Variants in CPT1A observed in about 807,000 individuals in gnomAD.
The protein encoded by CPT1A is carnitine palmitoyltransferase 1A.
Under a neutral mutation model 100.8 loss-of-function variants are expected in CPT1A, and 64 were observed. The ratio of observed to expected loss-of-function variants is 0.63; its 90% CI spans 0.52 to 0.78. CPT1A has a LOEUF of 0.78. Among genes scored for constraint, CPT1A ranks in the 30% least tolerant of loss-of-function variants. CPT1A has a pLI of 0.00. For synonymous variants in CPT1A, 363 were observed against 396.0 expected (o/e 0.92, Z 0.99); for missense variants, 802 against 1,034.1 (o/e 0.78, Z 3.08).
intron 5 of CPT1A, among the ~76,000 whole-genome samples, chr11:68,803,247 A>G (rs1246351655): frequency 6.6e-6 from 1 of 152,250 alleles, no homozygotes. Context: ...GCTGAGTGAA[A>G]GAAGCCAGTC....
chr11:68,790,383 C>G (rs984506091), intron 9 of CPT1A, among the ~76,000 whole-genome samples: 16 of 151,972 alleles, frequency 1.1e-4, no homozygotes, highest in African/African-American at 3.6e-4. Context: ...GAAATAGGGT[C>G]TTTGCTGATA....
chr11:68,821,581 G>A (rs920000465), intron 1 of CPT1A, among the ~76,000 whole-genome samples: 2 of 152,156 alleles, frequency 1.3e-5, no homozygotes, highest in African/African-American at 2.4e-5. Flanking sequence ...GTGAGCCACC[G>A]CGCCCAACCC....
At chr11:68,823,594 G>A (rs1856643064) in intron 1 of CPT1A, among the ~76,000 whole-genome samples, 1 of 151,816 alleles carries the variant, frequency 6.6e-6, no homozygotes, top group Non-Finnish European at 1.5e-5. Flanking sequence ...TTCGAGAACA[G>A]CCTGACCGAC....
At chr11:68,808,207 A>G (rs964996726) in intron 3 of CPT1A, among the ~76,000 whole-genome samples, 7 of 152,210 alleles carry the variant, frequency 4.6e-5, no homozygotes, top group African/African-American at 1.7e-4. Context: ...ATTTATATCA[A>G]AAGAGCTTGT....
At chr11:68,819,879 AG>A (rs1566381418) in intron 1 of CPT1A, among the ~76,000 whole-genome samples, 1 of 152,222 alleles carries the variant, frequency 6.6e-6, no homozygotes, top group Non-Finnish European at 1.5e-5. Context: ...GAATCCAACA[AG>A]GGCCAGAGGA....
chr11:68,806,229 A>G (rs1856042052), intron 4 of CPT1A, among the ~76,000 whole-genome samples: 1 of 151,996 alleles, frequency 6.6e-6, no homozygotes, highest in Admixed American at 6.6e-5. Flanking sequence ...TCTTTTTGCC[A>G]TGTTCCCCAG....
intron 8 of CPT1A, among the ~76,000 whole-genome samples, chr11:68,793,758 A>G (rs566851525): frequency 1.2e-3 from 176 of 152,044 alleles, no homozygotes; most frequent in African/African-American, 1.7e-3. Context: ...AAAAAAAAAA[A>G]AAAAGAAAAC....
chr11:68,786,454 C>G (rs1390150175), intron 9 of CPT1A, among the ~76,000 whole-genome samples: 3 of 152,216 alleles, frequency 2.0e-5, no homozygotes, highest in Non-Finnish European at 4.4e-5. Flanking sequence ...TGAGAAAGCC[C>G]TTCCACCCCC....
chr11:68,817,089 TGTGTGTGTGTG>T (rs1856440743), intron 1 of CPT1A, among the ~76,000 whole-genome samples: 1 of 115,494 alleles, frequency 8.7e-6, no homozygotes, highest in Non-Finnish European at 1.8e-5. Flanking sequence ...TGTGTGTGGT[TGTGTGTGTGTG>T]GTGTGTGTGT....
intron 10 of CPT1A, among the ~76,000 whole-genome samples, chr11:68,783,347 G>A (rs892867620): frequency 1.3e-5 from 2 of 151,506 alleles, no homozygotes; most frequent in Non-Finnish European, 2.9e-5. Context: ...ATGATTGGGT[G>A]CCTGGGACCC....
In CPT1A at chr11:68,778,084, G is replaced by GT. The variant is rs372816851; in HGVS notation, c.1458+2555dup. ...GGTGTCTTAAAGCCTAGAGCACTAT[G>GT]TTTTTTTTTTTCCTTTTTATCCTTT... is the stretch of plus-strand genomic sequence containing the variant. On this transcript the variant is annotated intron_variant, in intron 12 of 18. Coordinates refer to ENST00000265641, the MANE Select transcript of CPT1A (RefSeq NM_001876.4). Among the ~76,000 whole-genome samples the GT allele has an allele frequency of 9.4e-4, 139 of 147,348 alleles. No homozygotes were observed. In the South Asian group the frequency reaches 0.018, roughly 19 times the overall value.
intron 1 of CPT1A, among the ~76,000 whole-genome samples, chr11:68,819,332 G>A (rs756661801): frequency 6.6e-6 from 1 of 151,952 alleles, no homozygotes; most frequent in Non-Finnish European, 1.5e-5. Flanking sequence ...CGCCCACCTC[G>A]GCCTCCCAAA....
chr11:68,828,559 A>C (rs1856799370), intron 1 of CPT1A, among the ~76,000 whole-genome samples: 1 of 152,206 alleles, frequency 6.6e-6, no homozygotes, highest in Admixed American at 6.5e-5. Context: ...ACCCTGCCAG[A>C]CTGGGCACTG....
At position 68,757,730 on chromosome 11, in the gene CPT1A, C is replaced by A; in HGVS notation, c.2236G>T (p.Asp746Tyr). 6.2e-7 allele frequency: 1 copy of A among 1,613,726 alleles called. No homozygotes were observed. Among genetic ancestry groups the A allele is most frequent in the South Asian group, 1.1e-5 (1 of 91,072 alleles). The change falls in exon 19 of 19, where the codon GAT becomes TAT. Residue 746 changes from aspartate to tyrosine, a missense_variant and splice_region_variant. Physicochemically the swap from Asp to Tyr is radical, Grantham distance 160. This residue lies in a region of CPT1A where 627 missense variants were observed against 799.3 expected (regional missense o/e 0.78). Coordinates refer to ENST00000265641, the MANE Select transcript of CPT1A (RefSeq NM_001876.4). ...AGGTGCCTTCCAAAGCGATGAGAATCCTTTCATGTAAAAACAAAAACCAAA... is the reference window on the plus strand; with the variant it reads ...AGGTGCCTTCCAAAGCGATGAGAATACTTTCATGTAAAAACAAAAACCAAA... ...ISSKFSCPET[D>Y]SHRFGRHLKE...
chr11:68,827,314 C>T (rs1299790293), intron 1 of CPT1A, among the ~76,000 whole-genome samples: 2 of 152,160 alleles, frequency 1.3e-5, no homozygotes, highest in Non-Finnish European at 2.9e-5. Context: ...GCCTGGGCGA[C>T]AGAACGAGAT....
In CPT1A at chr11:68,781,345, C is replaced by T. The variant is rs187352650; in HGVS notation, c.1352+426G>A. ...GGAAGAAAACTGAAGGTTGGCCAGG[C>T]GCAGTGGCTCACATCTGTAATCTCA... On this transcript the variant is annotated intron_variant, in intron 11 of 18. Coordinates refer to ENST00000265641, the MANE Select transcript of CPT1A (RefSeq NM_001876.4). Among the ~76,000 whole-genome samples, 593 of 152,284 alleles carry T rather than the reference C, an allele frequency of 3.9e-3. 7 individuals are homozygous for T. Among genetic ancestry groups the T allele is most frequent in the Non-Finnish European group, 4.4e-3 (302 of 68,010 alleles).
At chr11:68,761,475 G>C in intron 16 of CPT1A, 60 bp downstream of exon 16, 1 of 1,562,978 alleles carries the variant, frequency 6.4e-7, no homozygotes, top group Non-Finnish European at 8.8e-7. Context: ...CAAGGCTGTA[G>C]TAATTTACTA....
At chr11:68,766,480 T>C (rs150828870) in intron 14 of CPT1A, among the ~76,000 whole-genome samples, 2,492 of 152,218 alleles carry the variant, frequency 0.016, 262 homozygotes, top group Admixed American at 0.15. Flanking sequence ...GATCTGTCAT[T>C]TTTATTTTAT....
intron 14 of CPT1A, among the ~76,000 whole-genome samples, chr11:68,764,604 G>A (rs1460377857): frequency 2.6e-5 from 4 of 152,138 alleles, no homozygotes; most frequent in South Asian, 2.1e-4. Context: ...CCGCTCAGCC[G>A]GGGAAGGCCT....
Sources: allele counts gnomAD v4.1 joint callset (sites outside exome capture counted in the v4.1 genomes callset), GRCh38; gene constraint gnomAD v4.1.1; regional missense constraint gnomAD v4.1.1; transcripts MANE v1.5; gene names NCBI Gene and HGNC (gene_info 2026-07-23, HGNC 2026-07-21).